TTC39C: variants seen among roughly 807,000 people sequenced by gnomAD.
TTC39C encodes tetratricopeptide repeat domain 39C.
Under a neutral mutation model 76.3 loss-of-function variants are expected in TTC39C, and 33 were observed. The observed-to-expected ratio is 0.43, with a 90% CI of 0.33 to 0.58. TTC39C has a LOEUF of 0.58. Among genes scored for constraint, TTC39C ranks in the 20% least tolerant of loss-of-function variants. The pLI, the probability that TTC39C is intolerant of heterozygous loss-of-function variation, is 0.04. For synonymous variants in TTC39C, 254 were observed against 260.6 expected (o/e 0.97, Z 0.24); for missense variants, 595 against 701.4 (o/e 0.85, Z 1.71).
intron 6 of TTC39C, among the ~76,000 whole-genome samples, chr18:24,089,183 T>C (rs577154581): frequency 2.6e-5 from 4 of 152,310 alleles, no homozygotes; most frequent in Admixed American, 2.6e-4. Context: ...CAGAAGGGCC[T>C]GTGCTGTCCC....
Position 24,125,495 on chromosome 18 carries a change from C to T in TTC39C, c.1365C>T (p.Tyr455=). The T allele has an allele frequency of 6.2e-7, 1 of 1,614,170 alleles. No homozygotes were observed. ...TGTTGGCGTCTATTGAAGTGTTGTA[C>T]TTGTGGAAAGCTCTTCCAAACTGTT... is the stretch of plus-strand genomic sequence containing the variant. ...LCVLASIEVL[Y]LWKALPNCSF... is the part of the protein sequence containing the mutation. The change falls in exon 10 of 14, where the codon TAC becomes TAT. Residue 455 remains tyrosine (Y), a synonymous_variant. Transcript: ENST00000317571.
In TTC39C at chr18:24,125,477, G is replaced by A. The variant is rs752449188; in HGVS notation, c.1347G>A (p.Ala449=). ...QTPTKALCVL[A]SIEVLYLWKA... ...CAACCAAAGCGCTCTGTGTGTTGGC[G>A]TCTATTGAAGTGTTGTACTTGTGGA... Residue 449 remains alanine, a synonymous_variant, in exon 10 of 14, where the codon GCG becomes GCA. Coordinates refer to ENST00000317571, the MANE Select transcript of TTC39C (RefSeq NM_001135993.2). The A allele has an allele frequency of 1.5e-5, 24 of 1,614,048 alleles. No homozygotes were observed. The highest frequency in any genetic ancestry group is 8.3e-5 in the Admixed American group (5 of 60,008).
intron 1 of TTC39C, among the ~76,000 whole-genome samples, chr18:24,060,752 AT>A (rs2084088885): frequency 6.6e-6 from 1 of 152,150 alleles, no homozygotes; most frequent in Admixed American, 6.5e-5. Flanking sequence ...TACTTAACTG[AT>A]TGCTTTCTCA....
Position 24,087,560 on chromosome 18 carries a change from C to G in TTC39C, c.984+4479C>G, listed in dbSNP as rs572535113. Among the ~76,000 whole-genome samples, 6 of 141,634 alleles carry G rather than the reference C, an allele frequency of 4.2e-5. No homozygotes were observed. The East Asian group carries it at 1.2e-3, about 29-fold the overall frequency. The allele number at this position is 141,634 out of a possible 152,430, so 92.9% of individuals were successfully genotyped here. ...TAATGAACATATTCTAACAAAGTTC[C>G]TATGCAAGCATTTTGAGAACTGTTT... On this transcript the variant is annotated intron_variant, in intron 6 of 13. Coordinates refer to ENST00000317571, the MANE Select transcript of TTC39C (RefSeq NM_001135993.2).
At chr18:24,099,942 C>G (rs2084656307) in intron 6 of TTC39C, among the ~76,000 whole-genome samples, 1 of 151,976 alleles carries the variant, frequency 6.6e-6, no homozygotes, top group Admixed American at 6.6e-5. Flanking sequence ...TTTTATTAGA[C>G]TAATTTGTGT....
At chr18:24,074,084 A>G (rs1240167221) in intron 4 of TTC39C, among the ~76,000 whole-genome samples, 2 of 152,204 alleles carry the variant, frequency 1.3e-5, no homozygotes, top group African/African-American at 4.8e-5. Flanking sequence ...GGGAGAACTC[A>G]TGGTTTGGCA....
At chr18:23,996,007 G>A (rs151336173) in intron 1 of TTC39C, among the ~76,000 whole-genome samples, 36 of 152,336 alleles carry the variant, frequency 2.4e-4, no homozygotes, top group Admixed American at 5.9e-4. Flanking sequence ...TTCCAGAGTG[G>A]CTGTACCATT....
chr18:24,121,535 C>G (rs559617930), intron 8 of TTC39C, among the ~76,000 whole-genome samples: 2 of 152,022 alleles, frequency 1.3e-5, no homozygotes, highest in African/African-American at 4.8e-5. Context: ...GCCAAGATCG[C>G]GCCATTGCAC....
chr18:24,059,461 C>T (rs35784494), intron 1 of TTC39C, among the ~76,000 whole-genome samples: 46,755 of 151,982 alleles, frequency 0.31, 7,283 homozygotes, highest in Admixed American at 0.34. Context: ...TCAGAACATT[C>T]GGTGTTTGGT....
At chr18:24,064,960 A>G (rs1193113918) in intron 2 of TTC39C, among the ~76,000 whole-genome samples, 1 of 152,190 alleles carries the variant, frequency 6.6e-6, no homozygotes, top group African/African-American at 2.4e-5. Flanking sequence ...GTTAACGGCT[A>G]TTGTTTGAAA....
At chr18:24,045,993 C>T (rs1250190818) in intron 1 of TTC39C, among the ~76,000 whole-genome samples, 4 of 121,492 alleles carry the variant, frequency 3.3e-5, no homozygotes, top group Admixed American at 1.1e-4. Flanking sequence ...GGCTGGAGTG[C>T]GACGGCACAA....
intron 1 of TTC39C, chr18:24,020,039 C>A: frequency 7.2e-7 from 1 of 1,391,374 alleles, no homozygotes; most frequent in Non-Finnish European, 9.2e-7. Flanking sequence ...GTCATCTGCT[C>A]ACAGACAAGA....
intron 6 of TTC39C, chr18:24,113,610 C>T: frequency 1.4e-6 from 1 of 702,326 alleles, no homozygotes. Context: ...GAAATGCATG[C>T]ACCGTTCAGA....
intron 6 of TTC39C, chr18:24,113,521 G>A: frequency 1.4e-6 from 1 of 696,714 alleles, no homozygotes; most frequent in East Asian, 2.7e-5. Flanking sequence ...AGACGCACCT[G>A]GAAGCCCAGG....
chr18:23,999,993 C>A (rs574905588), intron 1 of TTC39C, among the ~76,000 whole-genome samples: 1 of 152,282 alleles, frequency 6.6e-6, no homozygotes, highest in East Asian at 1.9e-4. Flanking sequence ...GCTTATAGTG[C>A]AAGCAATGAG....
At chr18:24,025,345 A>G (rs2083586753) in intron 1 of TTC39C, among the ~76,000 whole-genome samples, 1 of 152,226 alleles carries the variant, frequency 6.6e-6, no homozygotes, top group South Asian at 2.1e-4. Flanking sequence ...AGCTTTCAGT[A>G]TCCCTATTAA....
intron 6 of TTC39C, chr18:24,114,055 TC>T: frequency 3.5e-6 from 1 of 288,868 alleles, no homozygotes; most frequent in East Asian, 9.7e-5. Context: ...GTGCATTCAC[TC>T]AGTAGCGATT....
At chr18:23,997,706 G>GA (rs1175124694) in intron 1 of TTC39C, among the ~76,000 whole-genome samples, 1 of 150,664 alleles carries the variant, frequency 6.6e-6, no homozygotes, top group Non-Finnish European at 1.5e-5. Flanking sequence ...AAGAAAGAAA[G>GA]AAAGAAAGAA....
At chr18:23,997,650 A>C (rs1224488460) in intron 1 of TTC39C, among the ~76,000 whole-genome samples, 1 of 84,546 alleles carries the variant, frequency 1.2e-5, no homozygotes, top group Non-Finnish European at 2.3e-5. Flanking sequence ...GGAGGAAGGA[A>C]GGAGAAAGAA....
Sources: allele counts gnomAD v4.1 joint callset (sites outside exome capture counted in the v4.1 genomes callset), GRCh38; gene constraint gnomAD v4.1.1; transcripts MANE v1.5; gene names NCBI Gene and HGNC (gene_info 2026-07-23, HGNC 2026-07-21).